The following CNTNAP5 variants were observed in gnomAD, a reference collection of about 807,000 sequenced individuals.
CNTNAP5 encodes the protein contactin-associated protein-like 5.
CNTNAP5 carries 72 observed loss-of-function variants against 150.2 expected under a neutral mutation model. That is an observed-to-expected ratio of 0.48 (90% CI 0.40 to 0.58). CNTNAP5 has a LOEUF of 0.58. Ranked by LOEUF, CNTNAP5 falls within the 20% of genes least tolerant of loss-of-function variation. The probability of loss-of-function intolerance (pLI) is 0.00; values close to 1 mark genes in which losing one functional copy is unlikely to be tolerated. For synonymous variants in CNTNAP5, 672 were observed against 619.8 expected, an observed-to-expected ratio of 1.08 and a Z score of -1.25; for missense variants, 1,636 against 1,626.2, an observed-to-expected ratio of 1.01 and a Z score of -0.10.
chr2:124,454,809 A>C (rs1217646785), intron 6 of CNTNAP5, among the ~76,000 whole-genome samples: 2 of 152,174 alleles, frequency 1.3e-5, no homozygotes, highest in Admixed American at 6.5e-5. Context: ...CCAAAAATGA[A>C]ATCAAGATGA....
chr2:124,047,151 C>G (rs114656689), intron 1 of CNTNAP5, among the ~76,000 whole-genome samples: 1 of 152,226 alleles, frequency 6.6e-6, no homozygotes, highest in East Asian at 1.9e-4. Flanking sequence ...AGAAACAATA[C>G]CGAGCTATTT....
chr2:124,451,077 T>TACACAC (rs1553469346), intron 6 of CNTNAP5, among the ~76,000 whole-genome samples: 61 of 61,454 alleles, frequency 9.9e-4, no homozygotes, highest in South Asian at 2.8e-3. Flanking sequence ...TATATATATA[T>TACACAC]ACACACACAC....
At chr2:124,728,573 T>C (rs1680207585) in intron 13 of CNTNAP5, among the ~76,000 whole-genome samples, 1 of 152,024 alleles carries the variant, frequency 6.6e-6, no homozygotes, top group African/African-American at 2.4e-5. Flanking sequence ...GAATGTAAAA[T>C]ATCTTTAAAT....
chr2:124,124,535 T>A (rs963721955), intron 1 of CNTNAP5, among the ~76,000 whole-genome samples: 1 of 152,098 alleles, frequency 6.6e-6, no homozygotes, highest in Non-Finnish European at 1.5e-5. Context: ...AAGGCAGGCC[T>A]ACGTTCAAAT....
chr2:124,340,696 A>AC (rs1689588163), intron 3 of CNTNAP5, among the ~76,000 whole-genome samples: 1 of 150,712 alleles, frequency 6.6e-6, no homozygotes, highest in African/African-American at 2.4e-5. Context: ...AGATGGGACG[A>AC]CCCCTTGAGA....
At chr2:124,368,105 C>T (rs1019427215) in intron 3 of CNTNAP5, among the ~76,000 whole-genome samples, 3 of 152,048 alleles carry the variant, frequency 2.0e-5, no homozygotes, top group African/African-American at 7.3e-5. Flanking sequence ...CTAGCCCATG[C>T]GTTAGCCTCG....
At chr2:124,408,195 C>T (rs1267719849) in intron 3 of CNTNAP5, among the ~76,000 whole-genome samples, 5 of 152,228 alleles carry the variant, frequency 3.3e-5, no homozygotes, top group East Asian at 1.9e-4. Context: ...AAACGGCACA[C>T]CACGAGATTA....
At chr2:124,109,494 T>C (rs997061856) in intron 1 of CNTNAP5, among the ~76,000 whole-genome samples, 1 of 152,218 alleles carries the variant, frequency 6.6e-6, no homozygotes, top group Non-Finnish European at 1.5e-5. Flanking sequence ...GCAAGCCTCT[T>C]GCCCACCCTT....
At chr2:124,859,038 A>G (rs970098924) in intron 19 of CNTNAP5, among the ~76,000 whole-genome samples, 4 of 152,098 alleles carry the variant, frequency 2.6e-5, no homozygotes, top group African/African-American at 9.7e-5. Flanking sequence ...CAATGGCAAC[A>G]AAAGCCAAAA....
At chr2:124,736,590 C>G (rs899082077) in intron 13 of CNTNAP5, among the ~76,000 whole-genome samples, 1 of 152,076 alleles carries the variant, frequency 6.6e-6, no homozygotes, top group East Asian at 1.9e-4. Flanking sequence ...CTATGCCACA[C>G]TTATAGGAAG....
chr2:124,452,497 A>G (rs1574004285), intron 6 of CNTNAP5, among the ~76,000 whole-genome samples: 3 of 152,180 alleles, frequency 2.0e-5, no homozygotes, highest in South Asian at 4.1e-4. Flanking sequence ...CTCTTGGGAG[A>G]TCTGGGGCCC....
chr2:124,330,180 G>C (rs1573920194), intron 3 of CNTNAP5, among the ~76,000 whole-genome samples: 1 of 152,044 alleles, frequency 6.6e-6, no homozygotes, highest in African/African-American at 2.4e-5. Context: ...CAGGTTTCCA[G>C]GGGCTTCTAT....
intron 12 of CNTNAP5, among the ~76,000 whole-genome samples, chr2:124,615,482 G>A (rs1365524054): frequency 6.6e-6 from 1 of 152,106 alleles, no homozygotes; most frequent in Admixed American, 6.6e-5. Context: ...TTTATCATGA[G>A]AATATAGCAG....
chr2:124,510,301 C>CTATATCTATATATCTATA (rs1553474656), intron 8 of CNTNAP5, among the ~76,000 whole-genome samples: 1 of 106,056 alleles, frequency 9.4e-6, no homozygotes, highest in African/African-American at 3.8e-5. Flanking sequence ...ATCTATATAT[C>CTATATCTATATATCTATA]TATATATATA....
chr2:124,864,379 G>A (rs1428048886), intron 19 of CNTNAP5, among the ~76,000 whole-genome samples: 1 of 152,024 alleles, frequency 6.6e-6, no homozygotes, highest in South Asian at 2.1e-4. Flanking sequence ...TCTCCTTCTA[G>A]CTACCTGAAA....
intron 1 of CNTNAP5, among the ~76,000 whole-genome samples, chr2:124,067,801 C>T (rs1439138): frequency 0.41 from 61,954 of 151,824 alleles, 12,958 homozygotes; most frequent in Admixed American, 0.45. Context: ...TGGTGTTTGC[C>T]GAAGTTAGAA....
intron 11 of CNTNAP5, among the ~76,000 whole-genome samples, chr2:124,597,512 G>T (rs13019539): frequency 1.3e-5 from 2 of 149,358 alleles, no homozygotes; most frequent in African/African-American, 4.9e-5. Flanking sequence ...CAAGAGATCC[G>T]CTGTTAGTCT....
chr2:124,514,798 G>A (rs1002970878), intron 8 of CNTNAP5, among the ~76,000 whole-genome samples: 3 of 152,158 alleles, frequency 2.0e-5, no homozygotes, highest in Admixed American at 1.3e-4. Context: ...GAAATAGAAC[G>A]AGAACCAGAG....
chr2:124,889,314 C>T (rs1369411557), intron 21 of CNTNAP5, among the ~76,000 whole-genome samples: 2 of 151,786 alleles, frequency 1.3e-5, no homozygotes, highest in Non-Finnish European at 2.9e-5. Context: ...TGGTCTCCAA[C>T]TCCTGACCTC....
Sources: gnomAD v4.1 joint callset for allele counts (sites outside exome capture counted in the v4.1 genomes callset) on GRCh38, gnomAD v4.1.1 for gene constraint, MANE v1.5 for transcripts, NCBI Gene and HGNC (gene_info 2026-07-23, HGNC 2026-07-21) for gene names.